Variants in DSCAM observed in about 807,000 individuals in gnomAD.
DSCAM encodes cell adhesion molecule DSCAM.
DSCAM carries 47 observed loss-of-function variants against 217.7 expected under a neutral mutation model. The ratio of observed to expected loss-of-function variants is 0.22; its 90% CI spans 0.17 to 0.28. The LOEUF is 0.28. DSCAM is among the 10% of genes least tolerant of loss of function. DSCAM has a pLI of 1.00. For synonymous variants in DSCAM, 1,056 were observed against 1,015.3 expected (o/e 1.04, Z -0.76); for missense variants, 2,080 against 2,618.3 (o/e 0.79, Z 4.49).
chr21:40,816,996 G>T (rs370809798), intron 1 of DSCAM, among the ~76,000 whole-genome samples: 13 of 151,922 alleles, frequency 8.6e-5, no homozygotes, highest in Non-Finnish European at 1.6e-4. Flanking sequence ...TTAAAATCAC[G>T]CCATTCACCT....
rs201082862 is a variant in DSCAM, at chr21:40,126,654, C to A, written c.3563-2326G>T. On this transcript the variant is annotated intron_variant, in intron 19 of 32. Transcript: ENST00000400454. ...TTATATGTTTTAAGTTAAAATGCAA[C>A]ATTTCAGGTACTTCCTGGCCACTGC... Among the ~76,000 whole-genome samples, 21 of 152,284 alleles carry A rather than the reference C, an allele frequency of 1.4e-4. No homozygotes were observed. In the East Asian group the frequency reaches 3.7e-3, roughly 27 times the overall value.
chr21:40,694,534 T>C lies in DSCAM; in HGVS notation c.362-1578A>G, dbSNP rs116418988. On this transcript the variant is annotated intron_variant, in intron 2 of 32. Coordinates refer to ENST00000400454, the MANE Select transcript of DSCAM (RefSeq NM_001389.5). Reference sequence around the variant, plus strand: ...AGCATGTCTTTCATGAAAGCCTTCCTCTCCAGTTTCCATTTTTAACATTAG... The same window carrying C: ...AGCATGTCTTTCATGAAAGCCTTCCCCTCCAGTTTCCATTTTTAACATTAG... 6.6e-3 allele frequency among the ~76,000 whole-genome samples: 1,007 copies of C among 152,246 alleles called. 12 individuals are homozygous for C. Among genetic ancestry groups the C allele is most frequent in the African/African-American group, 0.023 (940 of 41,546 alleles).
chr21:40,412,149 G>A (rs556738871), intron 3 of DSCAM, among the ~76,000 whole-genome samples: 43 of 152,358 alleles, frequency 2.8e-4, no homozygotes, highest in Non-Finnish European at 5.7e-4. Flanking sequence ...ATGTGGAACT[G>A]TAGGTCCAGT....
chr21:40,304,921 T>A (rs2074055276), intron 9 of DSCAM, among the ~76,000 whole-genome samples: 1 of 152,104 alleles, frequency 6.6e-6, no homozygotes, highest in Non-Finnish European at 1.5e-5. Flanking sequence ...CCAATCACCA[T>A]AACAGACATA....
chr21:40,729,028 C>G (rs2090986168), intron 1 of DSCAM, among the ~76,000 whole-genome samples: 1 of 152,166 alleles, frequency 6.6e-6, no homozygotes, highest in South Asian at 2.1e-4. Flanking sequence ...AAAATATCAC[C>G]AAGTGCATTA....
intron 11 of DSCAM, among the ~76,000 whole-genome samples, chr21:40,231,496 G>T (rs1386401229): frequency 6.6e-6 from 1 of 151,730 alleles, no homozygotes; most frequent in East Asian, 1.9e-4. Flanking sequence ...GTTTTTCCAG[G>T]CTTTTCTTTT....
chr21:40,601,409 T>C (rs2077061136), intron 3 of DSCAM, among the ~76,000 whole-genome samples: 3 of 152,242 alleles, frequency 2.0e-5, no homozygotes, highest in Admixed American at 2.0e-4. Flanking sequence ...AGAAATTTTT[T>C]TGTTAACTGT....
chr21:40,483,664 T>C (rs1044122414), intron 3 of DSCAM, among the ~76,000 whole-genome samples: 3 of 152,188 alleles, frequency 2.0e-5, no homozygotes, highest in Admixed American at 6.5e-5. Context: ...TTATATATAA[T>C]TCCTTTAACA....
At chr21:40,607,051 T>A (rs1418877133) in intron 3 of DSCAM, among the ~76,000 whole-genome samples, 1 of 152,206 alleles carries the variant, frequency 6.6e-6, no homozygotes, top group Non-Finnish European at 1.5e-5. Flanking sequence ...CTTTTTCCTG[T>A]ATAAATTACC....
intron 3 of DSCAM, among the ~76,000 whole-genome samples, chr21:40,470,141 A>C (rs1208171833): frequency 6.6e-6 from 1 of 152,242 alleles, no homozygotes; most frequent in Non-Finnish European, 1.5e-5. Context: ...AATTAATATA[A>C]AATAATCAAA....
intron 3 of DSCAM, among the ~76,000 whole-genome samples, chr21:40,521,674 C>T (rs1039777671): frequency 6.6e-6 from 1 of 151,982 alleles, no homozygotes; most frequent in Non-Finnish European, 1.5e-5. Flanking sequence ...TAAAGTCAAT[C>T]TTATAAAAAT....
intron 1 of DSCAM, among the ~76,000 whole-genome samples, chr21:40,780,421 GTGTA>G (rs1398303124): frequency 2.1e-5 from 1 of 48,038 alleles, no homozygotes; most frequent in South Asian, 7.2e-4. Flanking sequence ...GTGTGTGTGT[GTGTA>G]TATATATATA....
chr21:40,728,661 C>A (rs1458947712), intron 1 of DSCAM, among the ~76,000 whole-genome samples: 1 of 152,114 alleles, frequency 6.6e-6, no homozygotes, highest in Non-Finnish European at 1.5e-5. Context: ...CTCAGGTGAT[C>A]CACCTGCCTC....
At chr21:40,090,977 T>C (rs1233491236) in intron 21 of DSCAM, among the ~76,000 whole-genome samples, 1 of 152,186 alleles carries the variant, frequency 6.6e-6, no homozygotes, top group African/African-American at 2.4e-5. Flanking sequence ...GTGTTCATTC[T>C]TGCTATCTCC....
chr21:40,456,646 G>A (rs543687794), intron 3 of DSCAM, among the ~76,000 whole-genome samples: 8 of 151,536 alleles, frequency 5.3e-5, no homozygotes, highest in African/African-American at 1.9e-4. Flanking sequence ...ATTGTGAAGT[G>A]CAATACACTT....
intron 3 of DSCAM, among the ~76,000 whole-genome samples, chr21:40,657,737 G>A (rs983256483): frequency 1.3e-5 from 2 of 152,172 alleles, no homozygotes; most frequent in African/African-American, 4.8e-5. Flanking sequence ...GTGGTACAAA[G>A]TGATACATTT....
chr21:40,039,363 GAGT>G (rs1056742669), intron 32 of DSCAM, among the ~76,000 whole-genome samples: 11 of 136,832 alleles, frequency 8.0e-5, no homozygotes, highest in Admixed American at 5.4e-4. Flanking sequence ...CTGAAAGTTG[GAGT>G]AGATTTAAAT....
intron 1 of DSCAM, among the ~76,000 whole-genome samples, chr21:40,774,949 G>A (rs1209830113): frequency 6.7e-6 from 1 of 149,022 alleles, no homozygotes; most frequent in Non-Finnish European, 1.5e-5. Flanking sequence ...GAATGAAAAT[G>A]AGCAAAATTA....
At chr21:40,188,873 T>A (rs1336888578) in intron 12 of DSCAM, among the ~76,000 whole-genome samples, 169 bp downstream of exon 12, 1 of 152,096 alleles carries the variant, frequency 6.6e-6, no homozygotes, top group Non-Finnish European at 1.5e-5. Context: ...AAGCACTATT[T>A]TTGAAGGCTA....
Sources: gnomAD v4.1 joint callset for allele counts (sites outside exome capture counted in the v4.1 genomes callset) on GRCh38, gnomAD v4.1.1 for gene constraint, MANE v1.5 for transcripts, NCBI Gene and HGNC (gene_info 2026-07-23, HGNC 2026-07-21) for gene names.